LTBP1: variants seen among roughly 807,000 people sequenced by gnomAD.
LTBP1 encodes the protein latent-transforming growth factor beta-binding protein 1.
In LTBP1, 129 loss-of-function variants were observed where a neutral mutation model predicts 207.6. The observed-to-expected ratio is 0.62, with a 90% CI of 0.54 to 0.72. The LOEUF (loss-of-function observed/expected upper bound fraction) is 0.72, where lower values mean the gene tolerates loss of function less well. LTBP1 is among the 30% of genes least tolerant of loss of function. The pLI is 0.00. For synonymous variants in LTBP1, 963 were observed against 833.7 expected (o/e 1.16, Z -2.67); for missense variants, 2,281 against 2,217.2 (o/e 1.03, Z -0.58).
rs951507147 is a variant in LTBP1, at chr2:33,059,492, C to T, written c.863+38286C>T. ...TTTAGGCTTGCCATGTCCGTGGTGC[C>T]CAGTGGAAGGGCTGAGCTGAAAAAT... On this transcript the variant is annotated intron_variant, in intron 3 of 33. Coordinates refer to ENST00000404816, the MANE Select transcript of LTBP1 (RefSeq NM_206943.4). Among the ~76,000 whole-genome samples the T allele has an allele frequency of 7.8e-4, 119 of 152,130 alleles. 1 individual carries two copies. Among genetic ancestry groups the T allele is most frequent in the African/African-American group, 2.5e-3 (103 of 41,494 alleles).
At chr2:32,976,156 A>T (rs1016968564) in intron 2 of LTBP1, among the ~76,000 whole-genome samples, 1 of 152,174 alleles carries the variant, frequency 6.6e-6, no homozygotes, top group South Asian at 2.1e-4. Flanking sequence ...TCAGTTGACT[A>T]CTATGCTGTG....
chr2:33,110,890 C>T lies in LTBP1; in HGVS notation c.1033+139C>T, dbSNP rs955425483. On this transcript the variant is annotated intron_variant, in intron 4 of 33. Coordinates refer to ENST00000404816, the MANE Select transcript of LTBP1 (RefSeq NM_206943.4). Reference sequence around the variant, plus strand: ...AAAAAATCCACATTGGTTCCTGAAGCAACCAGACAGCAGAAATTTAGCATG... The same window carrying T: ...AAAAAATCCACATTGGTTCCTGAAGTAACCAGACAGCAGAAATTTAGCATG... 6 of 772,046 alleles carry T rather than the reference C, an allele frequency of 7.8e-6. No individual in the cohort carries two copies. The African/African-American group carries it at 1.0e-4, about 13-fold the overall frequency. 47.8% of individuals were successfully genotyped at this position (772,046 alleles called of 1,614,324 possible).
At chr2:33,208,995 G>C (rs2090094945) in intron 7 of LTBP1, among the ~76,000 whole-genome samples, 1 of 150,360 alleles carries the variant, frequency 6.7e-6, no homozygotes, top group Non-Finnish European at 1.5e-5. Context: ...AGCCTCCCAA[G>C]TAGCTGGGAT....
intron 24 of LTBP1, among the ~76,000 whole-genome samples, chr2:33,337,464 G>A (rs1414283472): frequency 6.6e-6 from 1 of 152,038 alleles, no homozygotes; most frequent in African/African-American, 2.4e-5. Flanking sequence ...TTCACATCAG[G>A]GATCGATTCT....
At chr2:33,328,660 C>T (rs2094458976) in intron 24 of LTBP1, among the ~76,000 whole-genome samples, 2 of 152,182 alleles carry the variant, frequency 1.3e-5, no homozygotes, top group Non-Finnish European at 1.5e-5. Flanking sequence ...GATCCACTTG[C>T]CTCCACCTAG....
chr2:33,276,400 A>G (rs1206776497), intron 18 of LTBP1, among the ~76,000 whole-genome samples: 3 of 152,198 alleles, frequency 2.0e-5, no homozygotes, highest in Non-Finnish European at 2.9e-5. Flanking sequence ...TCAGATTCCA[A>G]CTGTGCTTAA....
At chr2:32,987,385 T>C (rs1237298441) in intron 2 of LTBP1, among the ~76,000 whole-genome samples, 2 of 152,076 alleles carry the variant, frequency 1.3e-5, no homozygotes, top group Non-Finnish European at 2.9e-5. Flanking sequence ...TTGCTGTTCA[T>C]GTATTGAGGG....
chr2:33,314,428 A>G (rs576687730), intron 23 of LTBP1, among the ~76,000 whole-genome samples: 1 of 152,226 alleles, frequency 6.6e-6, no homozygotes, highest in African/African-American at 2.4e-5. Context: ...CCAGTACCTT[A>G]GTGCCAGCCA....
At chr2:33,164,282 G>A (rs1268702427) in intron 5 of LTBP1, among the ~76,000 whole-genome samples, 2 of 148,866 alleles carry the variant, frequency 1.3e-5, no homozygotes, top group Admixed American at 6.7e-5. Context: ...CCTGGGAGGC[G>A]GAGGTTGCAG....
chr2:32,982,460 C>G (rs1682907087), intron 2 of LTBP1, among the ~76,000 whole-genome samples: 1 of 152,184 alleles, frequency 6.6e-6, no homozygotes, highest in African/African-American at 2.4e-5. Context: ...GTGTAAGTAA[C>G]AAGGAGCCCA....
At chr2:33,089,824 A>G (rs548227045) in intron 3 of LTBP1, among the ~76,000 whole-genome samples, 96 of 152,228 alleles carry the variant, frequency 6.3e-4, no homozygotes, top group Non-Finnish European at 1.2e-3. Context: ...ATATATTTTT[A>G]AAAAGATAAC....
rs548691858 is a variant in LTBP1, at chr2:33,355,800, C to G, written c.4001-4797C>G. Reference sequence around the variant, plus strand: ...AGGCAGCCTTCCCTGATAGCCTTGTCTACCCATCCCTCTGCAGTGAGGCCT... The same window carrying G: ...AGGCAGCCTTCCCTGATAGCCTTGTGTACCCATCCCTCTGCAGTGAGGCCT... On this transcript the variant is annotated intron_variant, in intron 26 of 33. Coordinates refer to ENST00000404816, the MANE Select transcript of LTBP1 (RefSeq NM_206943.4). Among the ~76,000 whole-genome samples, 7 of 152,310 alleles carry G rather than the reference C, an allele frequency of 4.6e-5. No individual in the cohort carries two copies. The East Asian group carries it at 1.4e-3, about 29-fold the overall frequency.
chr2:33,201,614 A>G (rs1005721986), intron 7 of LTBP1, among the ~76,000 whole-genome samples: 4 of 151,330 alleles, frequency 2.6e-5, no homozygotes, highest in African/African-American at 7.3e-5. Context: ...TGTAACCTAA[A>G]ACTTAAAGTA....
chr2:33,154,356 C>T (rs951948525), intron 5 of LTBP1, among the ~76,000 whole-genome samples: 1 of 152,166 alleles, frequency 6.6e-6, no homozygotes. Flanking sequence ...ATTCCAAACA[C>T]TCATTTCTCC....
At chr2:33,177,240 C>G (rs553973821) in intron 5 of LTBP1, among the ~76,000 whole-genome samples, 1 of 152,254 alleles carries the variant, frequency 6.6e-6, no homozygotes, top group South Asian at 2.1e-4. Context: ...TAGCACATTG[C>G]CTTGCATACT....
At chr2:33,119,865 C>A (rs2081003350) in intron 4 of LTBP1, among the ~76,000 whole-genome samples, 1 of 152,186 alleles carries the variant, frequency 6.6e-6, no homozygotes, top group Admixed American at 6.5e-5. Context: ...CCTGTAAATA[C>A]CTTTCTTATA....
intron 23 of LTBP1, among the ~76,000 whole-genome samples, chr2:33,312,673 A>T (rs560629234): frequency 2.3e-4 from 35 of 151,088 alleles, no homozygotes; most frequent in Non-Finnish European, 4.1e-4. Flanking sequence ...CTTTCTTAGC[A>T]GTTTCCTGGA....
intron 31 of LTBP1, among the ~76,000 whole-genome samples, chr2:33,387,655 T>C (rs2095278265): frequency 6.6e-6 from 1 of 152,140 alleles, no homozygotes; most frequent in South Asian, 2.1e-4. Flanking sequence ...CACCTTTGAT[T>C]CGTCACCCTC....
At chr2:33,068,066 CACAAATAGGTGTGTG>C (rs1368645012) in intron 3 of LTBP1, among the ~76,000 whole-genome samples, 7 of 148,190 alleles carry the variant, frequency 4.7e-5, no homozygotes, top group Admixed American at 2.1e-4. Flanking sequence ...TTTTTCCATA[CACAAATAGGTGTGTG>C]AAAAGACATT....
Sources: allele counts gnomAD v4.1 joint callset (sites outside exome capture counted in the v4.1 genomes callset), GRCh38; gene constraint gnomAD v4.1.1; transcripts MANE v1.5; gene names NCBI Gene and HGNC (gene_info 2026-07-23, HGNC 2026-07-21).